MVB12B: variants seen among roughly 807,000 people sequenced by gnomAD.
MVB12B encodes the protein multivesicular body subunit 12B.
A neutral mutation model predicts 41.6 loss-of-function variants in MVB12B; 16 were observed. That is an observed-to-expected ratio of 0.38 (90% CI 0.26 to 0.58). The LOEUF (loss-of-function observed/expected upper bound fraction) is 0.58, where lower values mean the gene tolerates loss of function less well. Ranked by LOEUF, MVB12B falls within the 20% of genes least tolerant of loss-of-function variation. The pLI is 0.62. For missense variants in MVB12B, 274 were observed against 380.2 expected (o/e 0.72, Z 2.32); for synonymous variants, 133 against 139.7 (o/e 0.95, Z 0.34).
chr9:126,349,483 A>G (rs1829690689), intron 2 of MVB12B, among the ~76,000 whole-genome samples: 1 of 152,226 alleles, frequency 6.6e-6, no homozygotes, highest in South Asian at 2.1e-4. Context: ...GTCGTTTTAT[A>G]GCTACACTCA....
At chr9:126,428,503 G>GA (rs545791419) in intron 7 of MVB12B, among the ~76,000 whole-genome samples, 19 of 147,370 alleles carry the variant, frequency 1.3e-4, no homozygotes, top group South Asian at 2.1e-4. Flanking sequence ...TCTTAATTAG[G>GA]AAAAAAAAAA....
At chr9:126,396,510 A>T (rs1000727070) in intron 6 of MVB12B, 9 of 985,366 alleles carry the variant, frequency 9.1e-6, no homozygotes, top group Non-Finnish European at 1.1e-5. Flanking sequence ...AGATGAACAA[A>T]ATCTGTCAGG....
chr9:126,366,834 G>A (rs1230568556), intron 2 of MVB12B, among the ~76,000 whole-genome samples: 1 of 152,120 alleles, frequency 6.6e-6, no homozygotes, highest in East Asian at 1.9e-4. Flanking sequence ...GCCAGCCTGT[G>A]CTCTCCGTAG....
At chr9:126,458,256 C>T (rs1833025061) in intron 7 of MVB12B, among the ~76,000 whole-genome samples, 1 of 152,192 alleles carries the variant, frequency 6.6e-6, no homozygotes, top group Non-Finnish European at 1.5e-5. Flanking sequence ...CAGGCTCAGC[C>T]TCACCAGGCC....
chr9:126,422,032 G>A (rs1174465544), intron 7 of MVB12B, 84 bp downstream of exon 7: 2 of 948,536 alleles, frequency 2.1e-6, no homozygotes, highest in South Asian at 1.3e-5. Context: ...GTCTTCTCGT[G>A]GGATCTGTCT....
intron 3 of MVB12B, among the ~76,000 whole-genome samples, chr9:126,383,499 A>C (rs1444749167): frequency 1.3e-5 from 2 of 152,220 alleles, no homozygotes; most frequent in African/African-American, 4.8e-5. Flanking sequence ...TTTGAATATT[A>C]AGTTGGTTAT....
At position 126,409,483 on chromosome 9, in the gene MVB12B, G is replaced by GGC. The variant is rs200784491; in HGVS notation, c.663-12370_663-12369insCG. On this transcript the variant is annotated intron_variant, in intron 6 of 9. Transcript: ENST00000361171. Reference sequence around the variant, plus strand: ...AGGATTTGTCATGAGAATTAAATTGGGGGGGGACACAGAAAGCACCACCCT... The same window carrying GGC: ...AGGATTTGTCATGAGAATTAAATTGGGCGGGGGGACACAGAAAGCACCACCCT... Among the ~76,000 whole-genome samples, 65 of 152,082 alleles carry GGC rather than the reference G, an allele frequency of 4.3e-4. 1 individual carries two copies. In the East Asian group the frequency reaches 0.012, roughly 29 times the overall value.
At chr9:126,411,044 C>G (rs112463403) in intron 6 of MVB12B, among the ~76,000 whole-genome samples, 2 of 152,076 alleles carry the variant, frequency 1.3e-5, no homozygotes, top group African/African-American at 4.8e-5. Flanking sequence ...CACGCCACCA[C>G]GCCCGGCTAA....
chr9:126,501,403 C>T (rs532164160), intron 9 of MVB12B, among the ~76,000 whole-genome samples: 1 of 152,228 alleles, frequency 6.6e-6, no homozygotes. Flanking sequence ...GGGTCCTTAC[C>T]TCTGCACCCT....
chr9:126,456,732 T>C (rs763023981), intron 7 of MVB12B, among the ~76,000 whole-genome samples: 10 of 152,166 alleles, frequency 6.6e-5, no homozygotes, highest in Non-Finnish European at 1.0e-4. Flanking sequence ...ATCTCCTTCC[T>C]AGAGGCCATG....
In MVB12B at chr9:126,506,903, C is replaced by T. The variant is rs1295235137; in HGVS notation, c.*3640C>T. ...GCTGTGTGACTGTGTCAGGCCTGGA[C>T]AAGGAAGACCCTTAGGGATGACGTC... is the stretch of plus-strand genomic sequence containing the variant. On this transcript the variant is annotated 3_prime_UTR_variant, in exon 10 of 10. Transcript: ENST00000361171. 6.6e-6 allele frequency: 1 copy of T among 152,652 alleles called. No homozygotes were observed. The highest frequency in any genetic ancestry group is 1.9e-4 in the East Asian group (1 of 5,196). The allele number at this position is 152,652 out of a possible 1,614,324, so 9.5% of individuals were successfully genotyped here.
chr9:126,466,361 A>G (rs935643001), intron 7 of MVB12B, among the ~76,000 whole-genome samples: 6 of 152,174 alleles, frequency 3.9e-5, no homozygotes, highest in Admixed American at 3.3e-4. Context: ...TGGCCTCACA[A>G]GCGTGTTTAC....
intron 9 of MVB12B, among the ~76,000 whole-genome samples, chr9:126,484,475 C>T (rs1316812752): frequency 6.6e-6 from 1 of 151,728 alleles, no homozygotes; most frequent in Admixed American, 6.6e-5. Context: ...TTCCACTGTG[C>T]TTCATGAGGT....
intron 7 of MVB12B, among the ~76,000 whole-genome samples, chr9:126,423,779 G>A (rs960292347): frequency 1.3e-5 from 2 of 152,190 alleles, no homozygotes; most frequent in Admixed American, 1.3e-4. Flanking sequence ...GCCTGCCTGC[G>A]AGTCATTCTG....
intron 7 of MVB12B, among the ~76,000 whole-genome samples, chr9:126,466,734 G>A (rs1315612243): frequency 6.6e-6 from 1 of 152,092 alleles, no homozygotes; most frequent in African/African-American, 2.4e-5. Context: ...AAGTAACTCT[G>A]GTGTTTGTGA....
chr9:126,502,712 G>A (rs987238996), intron 9 of MVB12B, among the ~76,000 whole-genome samples: 4 of 152,282 alleles, frequency 2.6e-5, no homozygotes, highest in South Asian at 2.1e-4. Flanking sequence ...TTGCTTCAGC[G>A]GAGCCAGCAT....
At chr9:126,440,338 T>G (rs536870592) in intron 7 of MVB12B, among the ~76,000 whole-genome samples, 1 of 152,332 alleles carries the variant, frequency 6.6e-6, no homozygotes, top group East Asian at 1.9e-4. Flanking sequence ...GCGGTGGCAC[T>G]GGGGCCTGTG....
At chr9:126,441,264 A>C (rs1003789628) in intron 7 of MVB12B, among the ~76,000 whole-genome samples, 4 of 152,212 alleles carry the variant, frequency 2.6e-5, no homozygotes, top group Non-Finnish European at 4.4e-5. Flanking sequence ...AAGGCGAAAC[A>C]AAAGGGAGCA....
At chr9:126,422,720 A>G (rs1832062124) in intron 7 of MVB12B, among the ~76,000 whole-genome samples, 1 of 152,242 alleles carries the variant, frequency 6.6e-6, no homozygotes. Flanking sequence ...CATGGCATTC[A>G]TTCATGTTCC....
Sources: gnomAD v4.1 joint callset for allele counts (sites outside exome capture counted in the v4.1 genomes callset) on GRCh38, gnomAD v4.1.1 for gene constraint, MANE v1.5 for transcripts, NCBI Gene and HGNC (gene_info 2026-07-23, HGNC 2026-07-21) for gene names.